SH3KBP1: variants seen among roughly 807,000 people sequenced by gnomAD.
The protein encoded by SH3KBP1 is SH3 domain containing kinase binding protein 1, also known as SH3 domain-containing kinase-binding protein 1.
A neutral mutation model predicts 50.1 loss-of-function variants in SH3KBP1; 8 were observed. The observed-to-expected ratio is 0.16, with a 90% CI of 0.09 to 0.29. SH3KBP1 has a LOEUF of 0.29. Among genes scored for constraint, SH3KBP1 ranks in the 10% least tolerant of loss-of-function variants. SH3KBP1 has a pLI of 1.00. For synonymous variants in SH3KBP1, 227 were observed against 218.6 expected (o/e 1.04, Z -0.34); for missense variants, 377 against 535.2 (o/e 0.70, Z 2.92).
chrX:19,713,161 G>A (rs183975269), intron 3 of SH3KBP1, among the ~76,000 whole-genome samples: 3 of 111,051 alleles, frequency 2.7e-5, no homozygotes, highest in African/African-American at 9.8e-5. Context: ...AGACTGCAGT[G>A]AGCCAAGATT....
intron 2 of SH3KBP1, among the ~76,000 whole-genome samples, chrX:19,824,636 G>C (rs973580877): frequency 8.9e-6 from 1 of 112,061 alleles, no homozygotes; most frequent in Non-Finnish European, 1.9e-5. Flanking sequence ...CTGGTAGAAA[G>C]CTAAGGGTTA....
At chrX:19,697,496 T>C (rs898944267) in intron 4 of SH3KBP1, among the ~76,000 whole-genome samples, 1 of 112,146 alleles carries the variant, frequency 8.9e-6, no homozygotes, top group African/African-American at 3.2e-5. Context: ...GAAGTATATA[T>C]GCATTACAAA....
Position 19,581,090 on chromosome X carries a change from T to C in SH3KBP1, c.1298+7553A>G, listed in dbSNP as rs183802752. 3.7e-3 allele frequency among the ~76,000 whole-genome samples: 409 copies of C among 111,498 alleles called. 3 individuals are homozygous for C. The highest frequency in any genetic ancestry group is 0.012 in the African/African-American group (382 of 30,651). On this transcript the variant is annotated intron_variant, in intron 12 of 17. Coordinates refer to ENST00000397821, the MANE Select transcript of SH3KBP1 (RefSeq NM_031892.3). Reference sequence around the variant, plus strand: ...CCTCAACCTCTCAAGTAGCTGGGACTACAGACATGCAACACCATGCATGGC... The same window carrying C: ...CCTCAACCTCTCAAGTAGCTGGGACCACAGACATGCAACACCATGCATGGC...
intron 6 of SH3KBP1, among the ~76,000 whole-genome samples, chrX:19,651,720 G>A (rs537329872): frequency 2.2e-4 from 24 of 111,293 alleles, no homozygotes; most frequent in African/African-American, 7.2e-4. Context: ...ACTTGCTGGG[G>A]GCATTGGCTC....
intron 13 of SH3KBP1, among the ~76,000 whole-genome samples, chrX:19,551,550 C>CTTTTTTTTTTTTTTTTTTTTT (rs397800260): frequency 1.2e-4 from 11 of 95,169 alleles, no homozygotes; most frequent in African/African-American, 4.3e-4. Flanking sequence ...CTCCCTCCCT[C>CTTTTTTTTTTTTTTTTTTTTT]TTTTTTTTTT....
At chrX:19,572,214 CAT>C (rs1206233146) in intron 12 of SH3KBP1, among the ~76,000 whole-genome samples, 7 of 105,832 alleles carry the variant, frequency 6.6e-5, no homozygotes, top group South Asian at 3.9e-4. Context: ...ATATATAGTA[CAT>C]ATGTTATATA....
chrX:19,656,409 A>C (rs2062278716), intron 6 of SH3KBP1, among the ~76,000 whole-genome samples: 1 of 111,997 alleles, frequency 8.9e-6, no homozygotes, highest in Admixed American at 9.5e-5. Context: ...GATGAAATTA[A>C]GGTTTGAGAG....
chrX:19,740,859 C>G, intron 3 of SH3KBP1: 2 of 251,833 alleles, frequency 7.9e-6, no homozygotes, highest in Non-Finnish European at 1.6e-5. Context: ...ATTCCAGGCC[C>G]TCACACTAAA....
At chrX:19,543,540 C>G (rs993960502) in intron 15 of SH3KBP1, among the ~76,000 whole-genome samples, 2 of 111,343 alleles carry the variant, frequency 1.8e-5, no homozygotes, top group African/African-American at 6.6e-5. Context: ...AGATGACCAC[C>G]TGGATGGGAG....
At chrX:19,719,223 G>A (rs969482566) in intron 3 of SH3KBP1, among the ~76,000 whole-genome samples, 4 of 110,690 alleles carry the variant, frequency 3.6e-5, no homozygotes, top group Non-Finnish European at 5.7e-5. Flanking sequence ...CAACCAATTC[G>A]ACTCACTCAC....
At chrX:19,572,089 A>G (rs909888724) in intron 12 of SH3KBP1, among the ~76,000 whole-genome samples, 2 of 110,309 alleles carry the variant, frequency 1.8e-5, no homozygotes, top group Non-Finnish European at 3.8e-5. Context: ...CCGTCTCCAG[A>G]AACTTTAGAG....
rs774269207 is a variant in SH3KBP1, at chrX:19,536,374, T to G, written c.*43A>C. 3.1e-6 allele frequency: 3 copies of G among 956,497 alleles called. No individual in the cohort carries two copies. The Admixed American group carries it at 7.9e-5, about 25-fold the overall frequency. 78.8% of individuals were successfully genotyped at this position (956,497 alleles called of 1,213,427 possible). On this transcript the variant is annotated 3_prime_UTR_variant, in exon 18 of 18. Coordinates refer to ENST00000397821, the MANE Select transcript of SH3KBP1 (RefSeq NM_031892.3). ...TTGGCTGGGGCAGAAAATTTGAGTCTCGGACTCAGGATGAATAATGTGACA... is the reference window on the plus strand; with the variant it reads ...TTGGCTGGGGCAGAAAATTTGAGTCGCGGACTCAGGATGAATAATGTGACA...
chrX:19,776,499 A>G (rs1037445935), intron 2 of SH3KBP1, among the ~76,000 whole-genome samples: 8 of 106,934 alleles, frequency 7.5e-5, no homozygotes, highest in Admixed American at 7.1e-4. Flanking sequence ...ATTTTTTTTA[A>G]AAAAAGAATT....
Position 19,831,425 on chromosome X carries a change from A to G in SH3KBP1, c.162+4700T>C, listed in dbSNP as rs544359586. On this transcript the variant is annotated intron_variant, in intron 2 of 17. Transcript: ENST00000397821. Reference sequence around the variant, plus strand: ...TGCAACCCATCTCAAAAAAAAAAAAAAAAAGAAAAGAAAATGCTTAAGGTA... The same window carrying G: ...TGCAACCCATCTCAAAAAAAAAAAAGAAAAGAAAAGAAAATGCTTAAGGTA... Among the ~76,000 whole-genome samples the G allele has an allele frequency of 2.6e-4, 28 of 107,739 alleles. No individual in the cohort carries two copies. The South Asian group carries it at 6.0e-3, about 23-fold the overall frequency. The allele number at this position is 107,739 out of a possible 115,157, so 93.6% of individuals were successfully genotyped here. A position where few individuals can be genotyped will look rare whatever the true frequency, so the allele number is the denominator to read the frequency against.
chrX:19,828,347 G>A (rs1011635650), intron 2 of SH3KBP1, among the ~76,000 whole-genome samples: 1 of 110,305 alleles, frequency 9.1e-6, no homozygotes, highest in African/African-American at 3.3e-5. Context: ...TAAGTTCAAC[G>A]AAACTTTGAC....
intron 5 of SH3KBP1, among the ~76,000 whole-genome samples, chrX:19,685,753 A>C (rs145212676): frequency 0.018 from 2,028 of 111,705 alleles, 15 homozygotes; most frequent in Non-Finnish European, 0.028. Flanking sequence ...TATGTGATAA[A>C]TGACTTGTAT....
At chrX:19,609,485 A>G (rs2067343177) in intron 8 of SH3KBP1, among the ~76,000 whole-genome samples, 1 of 112,033 alleles carries the variant, frequency 8.9e-6, no homozygotes, top group Non-Finnish European at 1.9e-5. Context: ...CAAAATGAGA[A>G]AAGGCTTTCC....
At chrX:19,878,499 TGTGTGTGAGAGAGAGA>T (rs1209234578) in intron 1 of SH3KBP1, among the ~76,000 whole-genome samples, 4 of 82,116 alleles carry the variant, frequency 4.9e-5, no homozygotes, top group Admixed American at 1.2e-4. Flanking sequence ...TGTGTGTGTG[TGTGTGTGAGAGAGAGA>T]GAGAGAGAGA....
chrX:19,606,331 C>A (rs777464473), intron 9 of SH3KBP1, among the ~76,000 whole-genome samples: 1 of 112,240 alleles, frequency 8.9e-6, no homozygotes, highest in South Asian at 3.7e-4. Flanking sequence ...GATGCCACAG[C>A]CTAGGGTCAC....
Sources: allele counts gnomAD v4.1 joint callset (sites outside exome capture counted in the v4.1 genomes callset), GRCh38; gene constraint gnomAD v4.1.1; transcripts MANE v1.5; gene names NCBI Gene and HGNC (gene_info 2026-07-23, HGNC 2026-07-21).